The following PICALM variants were observed in gnomAD, a reference collection of about 807,000 sequenced individuals.
The protein encoded by PICALM is phosphatidylinositol-binding clathrin assembly protein.
A neutral mutation model predicts 80.5 loss-of-function variants in PICALM; 40 were observed. The ratio of observed to expected loss-of-function variants is 0.50; its 90% CI spans 0.39 to 0.65. The LOEUF (loss-of-function observed/expected upper bound fraction) is 0.65. PICALM is among the 30% of genes least tolerant of loss of function. The pLI, the probability that PICALM is intolerant of heterozygous loss-of-function variation, is 0.00. For missense variants in PICALM, 676 were observed against 778.9 expected (o/e 0.87, Z 1.57); for synonymous variants, 288 against 260.3 (o/e 1.11, Z -1.02).
chr11:85,961,958 C>T (rs1471500914), intron 19 of PICALM, among the ~76,000 whole-genome samples: 3 of 152,104 alleles, frequency 2.0e-5, no homozygotes, highest in Non-Finnish European at 4.4e-5. Context: ...GTATATGCAA[C>T]TTGTTCTGGA....
chr11:86,068,142 G>A (rs1224061976), intron 1 of PICALM, among the ~76,000 whole-genome samples: 1 of 152,202 alleles, frequency 6.6e-6, no homozygotes, highest in Non-Finnish European at 1.5e-5. Context: ...TGGAGCAAAG[G>A]AAGTGGGGGA....
chr11:85,980,999 T>C (rs1047877212), intron 17 of PICALM, 130 bp downstream of exon 17: 2 of 565,446 alleles, frequency 3.5e-6, no homozygotes, highest in Non-Finnish European at 6.3e-6. Flanking sequence ...TTGAAAGAAA[T>C]ACAATTACTT....
intron 13 of PICALM, 52 bp from the exon 14 acceptor site, chr11:85,984,025 A>G (rs1199120762): frequency 7.7e-6 from 6 of 782,706 alleles, no homozygotes; most frequent in Non-Finnish European, 1.3e-5. Flanking sequence ...CTCTACATTT[A>G]CGACTATTTA....
chr11:86,063,504 G>T (rs571970631), intron 1 of PICALM, among the ~76,000 whole-genome samples: 1 of 152,224 alleles, frequency 6.6e-6, no homozygotes, highest in East Asian at 1.9e-4. Flanking sequence ...AAAAATAGTT[G>T]AATATTAAGT....
chr11:85,978,947 T>C (rs562802824), intron 17 of PICALM, among the ~76,000 whole-genome samples: 1 of 152,296 alleles, frequency 6.6e-6, no homozygotes, highest in East Asian at 1.9e-4. Flanking sequence ...TAAAATCCAC[T>C]ACTCTAAACT....
intron 1 of PICALM, among the ~76,000 whole-genome samples, chr11:86,058,815 G>A (rs1357049499): frequency 2.0e-5 from 3 of 152,106 alleles, no homozygotes; most frequent in Non-Finnish European, 4.4e-5. Context: ...AGGTGTGACA[G>A]GCACCTTCTA....
At chr11:85,968,153 T>C (rs2093969250) in intron 19 of PICALM, among the ~76,000 whole-genome samples, 2 of 152,096 alleles carry the variant, frequency 1.3e-5, no homozygotes, top group Admixed American at 1.3e-4. Flanking sequence ...GATGTATGCT[T>C]GCTCTACAAA....
In PICALM at chr11:86,004,954, T is replaced by G. The variant is rs558489970; in HGVS notation, c.808-1503A>C. The stretch of plus-strand genomic sequence containing the variant: ...GCTAATCAGCAAGCAAAGCACTGTC[T>G]TAAGAGCTTTCAGAGATGATAAGGA... On this transcript the variant is annotated intron_variant, in intron 8 of 19. Coordinates refer to ENST00000393346, the MANE Select transcript of PICALM (RefSeq NM_007166.4). Among the ~76,000 whole-genome samples, 16 of 152,338 alleles carry G rather than the reference T, an allele frequency of 1.1e-4. No homozygotes were observed. The South Asian group carries it at 3.3e-3, about 32-fold the overall frequency.
chr11:86,003,731 A>G, intron 8 of PICALM: 1 of 236,954 alleles, frequency 4.2e-6, no homozygotes, highest in Non-Finnish European at 8.1e-6. Context: ...CTTAAATTTT[A>G]AAGTAAAACC....
intron 14 of PICALM, 36 bp downstream of exon 14, chr11:85,983,830 C>T (rs1206022078): frequency 2.4e-6 from 2 of 825,624 alleles, no homozygotes; most frequent in South Asian, 3.2e-5. Context: ...TAAATTAGGA[C>T]ATTATAATAT....
intron 1 of PICALM, among the ~76,000 whole-genome samples, chr11:86,052,551 C>T (rs952995130): frequency 1.4e-4 from 21 of 152,206 alleles, no homozygotes; most frequent in African/African-American, 4.8e-4. Context: ...AATCCCCAAA[C>T]CTCAGTAATT....
At chr11:85,977,090 T>G (rs535605806) in intron 17 of PICALM, 1 of 153,084 alleles carries the variant, frequency 6.5e-6, no homozygotes, top group African/African-American at 2.4e-5. Flanking sequence ...CCTGATTGCT[T>G]TAGCATTCAA....
At chr11:85,965,079 C>T (rs1461536718) in intron 19 of PICALM, among the ~76,000 whole-genome samples, 2 of 152,128 alleles carry the variant, frequency 1.3e-5, no homozygotes, top group Non-Finnish European at 2.9e-5. Flanking sequence ...CTACAAAACT[C>T]TTGTTTAAAT....
chr11:86,057,860 AG>A lies in PICALM; in HGVS notation c.130+10790del, dbSNP rs1348739339. Among the ~76,000 whole-genome samples, 8 of 152,330 alleles carry A rather than the reference AG, an allele frequency of 5.3e-5. No homozygotes were observed. In the East Asian group the frequency reaches 1.5e-3, roughly 29 times the overall value. On this transcript the variant is annotated intron_variant, in intron 1 of 19. Coordinates refer to ENST00000393346, the MANE Select transcript of PICALM (RefSeq NM_007166.4). Reference sequence around the variant, plus strand: ...TATGCAAACAATGTCATTTTACATCAGGGATTTGAGCACCCTTGGATTTTCT... The same window carrying A: ...TATGCAAACAATGTCATTTTACATCAGGATTTGAGCACCCTTGGATTTTCT...
Position 85,990,396 on chromosome 11 carries a change from G to C in PICALM, c.1262C>G (p.Pro421Arg). Residue 421 changes from proline (P) to arginine (R), a missense_variant, in exon 13 of 20, where the codon CCT becomes CGT. Pro to Arg is a moderately radical substitution (Grantham distance 103). Coordinates refer to ENST00000393346, the MANE Select transcript of PICALM (RefSeq NM_007166.4). ...ASQVASTWGDPFSATVDAVDD... is the reference protein window; with the variant it reads ...ASQVASTWGDRFSATVDAVDD... ...AACAGCATCTACAGTAGCAGAGAAA[G>C]GATCTGTGCAGTCCAAATGTATTAT... is the stretch of plus-strand genomic sequence containing the variant. The C allele has an allele frequency of 6.3e-7, 1 of 1,597,764 alleles. No individual in the cohort carries two copies. The highest frequency in any genetic ancestry group is 8.6e-7 in the Non-Finnish European group (1 of 1,167,720).
rs143797685 is a variant in PICALM at position 85,983,460 on chromosome 11, T to C, written c.1516+406A>G. Among the ~76,000 whole-genome samples the C allele has an allele frequency of 2.0e-3, 303 of 152,304 alleles. 2 individuals are homozygous for C. The highest frequency in any genetic ancestry group is 7.2e-3 in the African/African-American group (299 of 41,578). ...CACAGACTATTTAAACAAGTCAAGG[T>C]ACCACAAGTTATATTATTCTAGTTT... On this transcript the variant is annotated intron_variant, in intron 14 of 19. Transcript: ENST00000393346.
chr11:86,013,994 C>T (rs1381599367), intron 5 of PICALM, among the ~76,000 whole-genome samples: 1 of 152,164 alleles, frequency 6.6e-6, no homozygotes, highest in East Asian at 1.9e-4. Flanking sequence ...TTATTTTCAA[C>T]CACTTAAAAA....
At chr11:86,059,887 G>A (rs1185293830) in intron 1 of PICALM, among the ~76,000 whole-genome samples, 2 of 151,594 alleles carry the variant, frequency 1.3e-5, no homozygotes, top group South Asian at 2.1e-4. Flanking sequence ...AAAAAAGAGA[G>A]AGGACAAATA....
At chr11:86,000,530 T>A (rs2095110996) in intron 11 of PICALM, 113 bp downstream of exon 11, 4 of 739,402 alleles carry the variant, frequency 5.4e-6, no homozygotes, top group Middle Eastern at 8.1e-4. Flanking sequence ...CACCTCTTTG[T>A]GTGAATAGAT....
Sources: gnomAD v4.1 joint callset for allele counts (sites outside exome capture counted in the v4.1 genomes callset) on GRCh38, gnomAD v4.1.1 for gene constraint, MANE v1.5 for transcripts, NCBI Gene and HGNC (gene_info 2026-07-23, HGNC 2026-07-21) for gene names.